GALNT17: variants seen among roughly 807,000 people sequenced by gnomAD.
GALNT17 encodes the protein polypeptide N-acetylgalactosaminyltransferase 17, also known as UDP-GalNAc:polypeptide N-acetylgalactosaminyltransferase-like 3.
Under a neutral mutation model 63.7 loss-of-function variants are expected in GALNT17, and 29 were observed. The observed-to-expected ratio is 0.46, with a 90% CI of 0.34 to 0.62. GALNT17 has a LOEUF of 0.62. Among genes scored for constraint, GALNT17 ranks in the 20% least tolerant of loss-of-function variants. GALNT17 has a pLI of 0.01. For synonymous variants in GALNT17, 305 were observed against 318.3 expected, an observed-to-expected ratio of 0.96 and a Z score of 0.45; for missense variants, 603 against 799.6, an observed-to-expected ratio of 0.75 and a Z score of 2.97.
At chr7:71,339,858 A>C (rs527640364) in intron 2 of GALNT17, among the ~76,000 whole-genome samples, 1 of 152,286 alleles carries the variant, frequency 6.6e-6, no homozygotes, top group African/African-American at 2.4e-5. Context: ...TACCATTTAC[A>C]TGTGAACCTT....
intron 2 of GALNT17, among the ~76,000 whole-genome samples, chr7:71,339,230 C>G (rs917367236): frequency 6.6e-6 from 1 of 152,230 alleles, no homozygotes; most frequent in Non-Finnish European, 1.5e-5. Flanking sequence ...AAGCACAGTC[C>G]TTGCCTACTT....
intron 1 of GALNT17, among the ~76,000 whole-genome samples, chr7:71,269,159 C>T (rs551004846): frequency 6.6e-6 from 1 of 152,250 alleles, no homozygotes; most frequent in East Asian, 1.9e-4. Flanking sequence ...AGGAAAACAC[C>T]AGGCAAGCGT....
At chr7:71,387,631 TG>T (rs1792970808) in intron 2 of GALNT17, among the ~76,000 whole-genome samples, 1 of 152,182 alleles carries the variant, frequency 6.6e-6, no homozygotes, top group East Asian at 1.9e-4. Context: ...GTGTTCCGGG[TG>T]GTCCCTAGTT....
intron 1 of GALNT17, among the ~76,000 whole-genome samples, chr7:71,244,279 G>A (rs1450566695): frequency 6.6e-6 from 1 of 152,196 alleles, no homozygotes; most frequent in Non-Finnish European, 1.5e-5. Context: ...GAGAATGCTT[G>A]CCAAGGTCAT....
chr7:71,148,766 G>A (rs1268597002), intron 1 of GALNT17, among the ~76,000 whole-genome samples: 1 of 148,558 alleles, frequency 6.7e-6, no homozygotes, highest in Non-Finnish European at 1.5e-5. Context: ...TTAATTGGTA[G>A]CGTACTTTTT....
chr7:71,197,130 A>G (rs558144384), intron 1 of GALNT17, among the ~76,000 whole-genome samples: 1 of 141,482 alleles, frequency 7.1e-6, no homozygotes, highest in South Asian at 2.2e-4. Context: ...ATCCAGTCAT[A>G]CTCTTTTAGT....
intron 6 of GALNT17, among the ~76,000 whole-genome samples, chr7:71,601,505 G>T (rs1789966785): frequency 6.6e-6 from 1 of 152,108 alleles, no homozygotes. Context: ...TGAGTTGGTA[G>T]AAAACTGGCC....
At chr7:71,568,405 T>A (rs1191173015) in intron 5 of GALNT17, among the ~76,000 whole-genome samples, 1 of 152,190 alleles carries the variant, frequency 6.6e-6, no homozygotes, top group African/African-American at 2.4e-5. Flanking sequence ...AAATAAATGG[T>A]TGCAATAACA....
chr7:71,710,936 CTGTA>C lies in GALNT17; in HGVS notation c.1668+11_1668+14del, dbSNP rs763193918. 3.0e-5 allele frequency: 49 copies of C among 1,612,736 alleles called. No individual in the cohort carries two copies. Among genetic ancestry groups the C allele is most frequent in the Non-Finnish European group, 4.2e-5 (49 of 1,179,844 alleles). ...CGCTGGAACTTCATCCAGGTGAGTGCTGTATGGACAGAGCCAGCACCCAGAGTAG... is the reference window on the plus strand; with the variant it reads ...CGCTGGAACTTCATCCAGGTGAGTGCTGGACAGAGCCAGCACCCAGAGTAG... On this transcript the variant is annotated intron_variant, in intron 10 of 10. Coordinates refer to ENST00000333538, the MANE Select transcript of GALNT17 (RefSeq NM_022479.3).
chr7:71,234,331 G>A (rs1302668351), intron 1 of GALNT17, among the ~76,000 whole-genome samples: 1 of 152,036 alleles, frequency 6.6e-6, no homozygotes, highest in East Asian at 1.9e-4. Flanking sequence ...GCGCAATCTC[G>A]GCTCACTGCT....
chr7:71,238,171 C>T (rs550830665), intron 1 of GALNT17, among the ~76,000 whole-genome samples: 1 of 152,268 alleles, frequency 6.6e-6, no homozygotes, highest in East Asian at 1.9e-4. Context: ...CAGCCACACT[C>T]TCTCTCTGAG....
chr7:71,247,842 T>C (rs1790127055), intron 1 of GALNT17, among the ~76,000 whole-genome samples: 3 of 152,212 alleles, frequency 2.0e-5, no homozygotes, highest in Admixed American at 1.3e-4. Flanking sequence ...TTGTATATCA[T>C]ATTCTTACAA....
chr7:71,285,543 A>T (rs1790857961), intron 1 of GALNT17, among the ~76,000 whole-genome samples: 1 of 152,188 alleles, frequency 6.6e-6, no homozygotes, highest in Non-Finnish European at 1.5e-5. Flanking sequence ...CCCAAAATTC[A>T]TATGTTGAAA....
In GALNT17 at chr7:71,282,816, A is replaced by C. The variant is rs1452981527; in HGVS notation, c.239-52734A>C. Among the ~76,000 whole-genome samples, 5 of 151,988 alleles carry C rather than the reference A, an allele frequency of 3.3e-5. No individual in the cohort carries two copies. In the East Asian group the frequency reaches 9.7e-4, roughly 30 times the overall value. On this transcript the variant is annotated intron_variant, in intron 1 of 10. Transcript: ENST00000333538. ...CCTCAGAGAAGTTACCTGCTGTGGG[A>C]AGGTCTCAGAGGCTACCTGGAAATG...
In GALNT17 at chr7:71,249,595, A is replaced by G. The variant is rs1300758168; in HGVS notation, c.239-85955A>G. Among the ~76,000 whole-genome samples, 4 of 152,344 alleles carry G rather than the reference A, an allele frequency of 2.6e-5. No individual in the cohort carries two copies. The East Asian group carries it at 7.7e-4, about 29-fold the overall frequency. On this transcript the variant is annotated intron_variant, in intron 1 of 10. Coordinates refer to ENST00000333538, the MANE Select transcript of GALNT17 (RefSeq NM_022479.3). ...TTTTTCCTCTCATTAAAATATCATT[A>G]CTGGCTGTATTTTCCATGGCAGCCA...
chr7:71,338,786 A>C (rs753583045), intron 2 of GALNT17, among the ~76,000 whole-genome samples: 3 of 152,116 alleles, frequency 2.0e-5, no homozygotes, highest in Non-Finnish European at 4.4e-5. Context: ...TTCTTTCTCA[A>C]ATGAATTTTG....
intron 6 of GALNT17, among the ~76,000 whole-genome samples, chr7:71,609,130 A>G (rs1057061444): frequency 6.6e-6 from 1 of 152,136 alleles, no homozygotes; most frequent in African/African-American, 2.4e-5. Flanking sequence ...CTGCCTGTCT[A>G]AGTCTTCTCA....
intron 9 of GALNT17, 87 bp from the exon 10 acceptor site, chr7:71,710,673 TA>T: frequency 6.8e-7 from 1 of 1,472,554 alleles, no homozygotes; most frequent in Non-Finnish European, 9.3e-7. Flanking sequence ...ACAGCAGGAG[TA>T]AAGCCGAGAG....
intron 5 of GALNT17, among the ~76,000 whole-genome samples, chr7:71,425,786 T>G (rs1249143165): frequency 1.3e-5 from 2 of 152,038 alleles, no homozygotes; most frequent in East Asian, 3.9e-4. Flanking sequence ...CCATGGAGGA[T>G]GTATTAGTTC....
Sources: gnomAD v4.1 joint callset for allele counts (sites outside exome capture counted in the v4.1 genomes callset) on GRCh38, gnomAD v4.1.1 for gene constraint, MANE v1.5 for transcripts, NCBI Gene and HGNC (gene_info 2026-07-23, HGNC 2026-07-21) for gene names.